GALNT1: variants seen among roughly 807,000 people sequenced by gnomAD.
The protein encoded by GALNT1 is GalNAc transferase 1.
A neutral mutation model predicts 65.7 loss-of-function variants in GALNT1; 17 were observed. The ratio of observed to expected loss-of-function variants is 0.26; its 90% CI spans 0.18 to 0.39. The LOEUF (loss-of-function observed/expected upper bound fraction) is 0.39, where lower values mean the gene tolerates loss of function less well. Among genes scored for constraint, GALNT1 ranks in the 10% least tolerant of loss-of-function variants. GALNT1 has a pLI of 1.00. For synonymous variants in GALNT1, 210 were observed against 219.7 expected (o/e 0.96, Z 0.39); for missense variants, 460 against 672.8 (o/e 0.68, Z 3.50).
At position 35,606,449 on chromosome 18, in the gene GALNT1, C is replaced by T. The variant is rs771693534; in HGVS notation, c.-104+24587C>T. 4.2e-4 allele frequency among the ~76,000 whole-genome samples: 64 copies of T among 152,276 alleles called. 1 individual carries two copies. The highest frequency in any genetic ancestry group is 1.5e-3 in the African/African-American group (63 of 41,558). Reference sequence around the variant, plus strand: ...GCTTCAAGAATTGTTTACCCTCATGCGACAAGTGTAGGTAATAGTATTAAA... The same window carrying T: ...GCTTCAAGAATTGTTTACCCTCATGTGACAAGTGTAGGTAATAGTATTAAA... On this transcript the variant is annotated intron_variant, in intron 1 of 11. Transcript: ENST00000269195.
intron 1 of GALNT1, among the ~76,000 whole-genome samples, chr18:35,638,248 G>C (rs916248784): frequency 6.6e-6 from 1 of 152,282 alleles, no homozygotes; most frequent in East Asian, 1.9e-4. Flanking sequence ...CCGACCAAGC[G>C]ATGGATGAAC....
chr18:35,706,589 G>A (rs2048265415), intron 11 of GALNT1, among the ~76,000 whole-genome samples: 1 of 152,200 alleles, frequency 6.6e-6, no homozygotes, highest in South Asian at 2.1e-4. Flanking sequence ...GTTTTTTCCT[G>A]CTGAGATAAA....
intron 1 of GALNT1, among the ~76,000 whole-genome samples, chr18:35,642,831 AT>A (rs1278660544): frequency 6.6e-6 from 1 of 152,128 alleles, no homozygotes; most frequent in African/African-American, 2.4e-5. Context: ...GACTAATAGG[AT>A]TCCTCGTTGG....
At chr18:35,634,046 G>A (rs1031401335) in intron 1 of GALNT1, among the ~76,000 whole-genome samples, 8 of 152,110 alleles carry the variant, frequency 5.3e-5, no homozygotes, top group African/African-American at 1.2e-4. Context: ...TTGAGTTCTT[G>A]TTGTGTAAGT....
intron 1 of GALNT1, among the ~76,000 whole-genome samples, chr18:35,653,432 T>G (rs187277908): frequency 6.6e-6 from 1 of 152,210 alleles, no homozygotes; most frequent in African/African-American, 2.4e-5. Flanking sequence ...ATGGAACTTG[T>G]TGCATAAAGT....
chr18:35,643,346 T>C (rs2047189588), intron 1 of GALNT1, among the ~76,000 whole-genome samples: 1 of 152,042 alleles, frequency 6.6e-6, no homozygotes, highest in African/African-American at 2.4e-5. Context: ...AAAATAAAAA[T>C]ACAGCATGAT....
At position 35,654,785 on chromosome 18, in the gene GALNT1, A is replaced by G; in HGVS notation, c.123A>G (p.Gly41=). The G allele has an allele frequency of 6.4e-7, 1 of 1,554,220 alleles. No individual in the cohort carries two copies. The highest frequency in any genetic ancestry group is 8.7e-7 in the Non-Finnish European group (1 of 1,146,960). The part of the protein sequence containing the change: ...CNKCDEKKER[G]LPAGDVLEPV... The stretch of plus-strand genomic sequence containing the variant: ...AATGTGATGAAAAAAAGGAGAGAGG[A>G]CTTCCTGCTGGAGATGGTGAGTGAC... Residue 41 remains glycine (G), a synonymous_variant, in exon 2 of 12, where the codon GGA becomes GGG. Coordinates refer to ENST00000269195, the MANE Select transcript of GALNT1 (RefSeq NM_020474.4).
chr18:35,589,095 A>G (rs1056403050), intron 1 of GALNT1, among the ~76,000 whole-genome samples: 2 of 152,164 alleles, frequency 1.3e-5, no homozygotes, highest in Non-Finnish European at 2.9e-5. Context: ...GGCACATGGC[A>G]CTGTCTAGTG....
At chr18:35,673,938 C>A (rs2047669771) in intron 3 of GALNT1, among the ~76,000 whole-genome samples, 1 of 152,172 alleles carries the variant, frequency 6.6e-6, no homozygotes, top group Non-Finnish European at 1.5e-5. Flanking sequence ...GTACAGCCTA[C>A]TACACACCTA....
intron 1 of GALNT1, among the ~76,000 whole-genome samples, chr18:35,606,931 T>TG (rs770837837): frequency 6.6e-4 from 100 of 151,880 alleles, no homozygotes; most frequent in Admixed American, 2.2e-3. Context: ...GTCATAGCAC[T>TG]GGCCATATTT....
intron 1 of GALNT1, among the ~76,000 whole-genome samples, chr18:35,588,717 T>C (rs1260759394): frequency 1.3e-5 from 2 of 152,178 alleles, no homozygotes. Context: ...GTCTTTTTAT[T>C]TTGGTATTTT....
At chr18:35,593,050 C>T (rs898674315) in intron 1 of GALNT1, among the ~76,000 whole-genome samples, 1 of 152,056 alleles carries the variant, frequency 6.6e-6, no homozygotes, top group Non-Finnish European at 1.5e-5. Context: ...AGTTGCAAGA[C>T]GTGGGAGGCT....
chr18:35,696,661 G>T (rs2032939), intron 9 of GALNT1, among the ~76,000 whole-genome samples: 31,911 of 152,182 alleles, frequency 0.21, 3,632 homozygotes, highest in African/African-American at 0.29. Context: ...CTGAATGCTT[G>T]ATGAATATTA....
intron 6 of GALNT1, among the ~76,000 whole-genome samples, chr18:35,688,900 G>A (rs1261481006): frequency 6.6e-6 from 1 of 152,166 alleles, no homozygotes; most frequent in Non-Finnish European, 1.5e-5. Context: ...AAGATAGAAA[G>A]TACTCTTAGG....
chr18:35,641,010 A>C (rs2144295043), intron 1 of GALNT1, among the ~76,000 whole-genome samples: 1 of 152,278 alleles, frequency 6.6e-6, no homozygotes, highest in South Asian at 2.1e-4. Context: ...TTTGTTTTAG[A>C]GATGGGGGTC....
Position 35,657,240 on chromosome 18 carries a change from C to T in GALNT1, c.139+2439C>T, listed in dbSNP as rs766891945. Among the ~76,000 whole-genome samples the T allele has an allele frequency of 1.4e-4, 21 of 152,146 alleles. No individual in the cohort carries two copies. In the Middle Eastern group the frequency reaches 0.01, roughly 74 times the overall value. On this transcript the variant is annotated intron_variant, in intron 2 of 11. Coordinates refer to ENST00000269195, the MANE Select transcript of GALNT1 (RefSeq NM_020474.4). ...CCTCTTGAGTACCTGCAGTTACAGG[C>T]GCACGCCACCACACCCAGTTAATTT... is the stretch of plus-strand genomic sequence containing the variant.
At chr18:35,664,897 G>C (rs1423432481) in intron 3 of GALNT1, among the ~76,000 whole-genome samples, 1 of 152,246 alleles carries the variant, frequency 6.6e-6, no homozygotes, top group Non-Finnish European at 1.5e-5. Flanking sequence ...GATAGGCCTA[G>C]AGAGAAGGGT....
chr18:35,660,442 AAT>A (rs1213746404), intron 2 of GALNT1, among the ~76,000 whole-genome samples: 2 of 152,152 alleles, frequency 1.3e-5, no homozygotes, highest in Admixed American at 6.5e-5. Flanking sequence ...TATATAATAA[AAT>A]ATGTTTGTTC....
chr18:35,674,749 C>T (rs56362295), intron 3 of GALNT1, among the ~76,000 whole-genome samples: 2,454 of 152,080 alleles, frequency 0.016, 31 homozygotes, highest in African/African-American at 0.029. Context: ...TTTGGGAGGC[C>T]GAGGTGGGCA....
Sources: allele counts gnomAD v4.1 joint callset (sites outside exome capture counted in the v4.1 genomes callset), GRCh38; gene constraint gnomAD v4.1.1; transcripts MANE v1.5; gene names NCBI Gene and HGNC (gene_info 2026-07-23, HGNC 2026-07-21).